Variants in NPRL3 observed in about 807,000 individuals in gnomAD.
The protein encoded by NPRL3 is GATOR1 complex protein NPRL3.
Under a neutral mutation model 57.2 loss-of-function variants are expected in NPRL3, and 23 were observed. The observed-to-expected ratio is 0.40, with a 90% CI of 0.29 to 0.57. NPRL3 has a LOEUF of 0.57. NPRL3 is among the 20% of genes least tolerant of loss of function. NPRL3 has a pLI of 0.42. For missense variants in NPRL3, 691 were observed against 767.1 expected (o/e 0.90, Z 1.17); for synonymous variants, 333 against 321.1 (o/e 1.04, Z -0.39).
At chr16:93,562 TG>T (rs1229844165) in intron 9 of NPRL3, among the ~76,000 whole-genome samples, 4 of 147,356 alleles carry the variant, frequency 2.7e-5, no homozygotes, top group Admixed American at 6.7e-5. Context: ...CTGTGAGCAA[TG>T]GTTTTTTTTT....
intron 3 of NPRL3, among the ~76,000 whole-genome samples, chr16:125,262 T>A (rs1018063995): frequency 6.6e-6 from 1 of 151,996 alleles, no homozygotes; most frequent in Admixed American, 6.6e-5. Flanking sequence ...CTCCTCAGGT[T>A]GTACAGTATG....
intron 2 of NPRL3, among the ~76,000 whole-genome samples, chr16:134,800 CA>C (rs1455464135): frequency 6.9e-6 from 1 of 145,050 alleles, no homozygotes; most frequent in Non-Finnish European, 1.5e-5. Flanking sequence ...CTCCCGGGTT[CA>C]CGCCATTCTC....
Position 93,336 on chromosome 16 carries a change from A to C in NPRL3, c.925-11T>G. 6.5e-7 allele frequency: 1 copy of C among 1,528,752 alleles called. No homozygotes were observed. The highest frequency in any genetic ancestry group is 8.9e-7 in the Non-Finnish European group (1 of 1,125,898). The allele number at this position is 1,528,752 out of a possible 1,614,324, so 94.7% of individuals were successfully genotyped here. On this transcript the variant is annotated splice_polypyrimidine_tract_variant and intron_variant, in intron 9 of 13. Coordinates refer to ENST00000611875, the MANE Select transcript of NPRL3 (RefSeq NM_001077350.3). Reference sequence around the variant, plus strand: ...TGCAAGCTGGAAAACCTGCAGGCAAAAGGGAAGCTGCAAGGACCATGCCTG... The same window carrying C: ...TGCAAGCTGGAAAACCTGCAGGCAACAGGGAAGCTGCAAGGACCATGCCTG...
intron 7 of NPRL3, among the ~76,000 whole-genome samples, chr16:100,821 ATT>A (rs1899260414): frequency 1.3e-5 from 2 of 149,580 alleles, no homozygotes; most frequent in African/African-American, 4.9e-5. Flanking sequence ...AAATACAAAA[ATT>A]AGCCAGGTGT....
At chr16:116,833 G>A (rs1329389755) in intron 5 of NPRL3, among the ~76,000 whole-genome samples, 1 of 141,144 alleles carries the variant, frequency 7.1e-6, no homozygotes, top group East Asian at 2.2e-4. Flanking sequence ...AAATTAGCTG[G>A]GCGTGGTGGC....
intron 8 of NPRL3, among the ~76,000 whole-genome samples, chr16:99,959 C>CAAAAAAAAAAAAAAAAAAAAAAAA (rs11304941): frequency 1.6e-4 from 10 of 60,968 alleles, no homozygotes; most frequent in Non-Finnish European, 3.3e-4. Flanking sequence ...CACACCCCCG[C>CAAAAAAAAAAAAAAAAAAAAAAAA]AAAAAAAAAA....
At chr16:88,946 C>T in intron 12 of NPRL3, 56 bp from the exon 13 acceptor site, 1 of 1,524,198 alleles carries the variant, frequency 6.6e-7, no homozygotes, top group Non-Finnish European at 9.0e-7. Context: ...CCCAGGGGAA[C>T]AGCGAGGGCA....
At position 110,514 on chromosome 16, in the gene NPRL3, A is replaced by G. The variant is rs1349621416; in HGVS notation, c.629+11T>C. 2 of 1,607,052 alleles carry G rather than the reference A, an allele frequency of 1.2e-6. No homozygotes were observed. Among genetic ancestry groups the G allele is most frequent in the South Asian group, 2.2e-5 (2 of 89,610 alleles). On this transcript the variant is annotated intron_variant, in intron 7 of 13. Transcript: ENST00000611875. ...AAGAAGGAGGTTAATAAGCACACCCACCTGTCTTACCTGTCATAAGCTTCC... is the reference window on the plus strand; with the variant it reads ...AAGAAGGAGGTTAATAAGCACACCCGCCTGTCTTACCTGTCATAAGCTTCC...
intron 7 of NPRL3, among the ~76,000 whole-genome samples, chr16:108,067 A>G (rs1336143682): frequency 2.6e-5 from 4 of 152,210 alleles, no homozygotes; most frequent in Non-Finnish European, 4.4e-5. Flanking sequence ...AGGGGCCAGA[A>G]AACAAAGCAA....
At chr16:101,950 T>C (rs970769332) in intron 7 of NPRL3, among the ~76,000 whole-genome samples, 1 of 152,066 alleles carries the variant, frequency 6.6e-6, no homozygotes, top group Non-Finnish European at 1.5e-5. Context: ...CAGAACTCAC[T>C]CCTGAGGAGG....
At chr16:133,748 C>G (rs1317626462) in intron 2 of NPRL3, among the ~76,000 whole-genome samples, 1 of 152,168 alleles carries the variant, frequency 6.6e-6, no homozygotes, top group Non-Finnish European at 1.5e-5. Context: ...AGCTTTTGGC[C>G]TAGTTCAGCT....
Position 110,558 on chromosome 16 carries a change from T to C in NPRL3, c.596A>G (p.Lys199Arg). The stretch of plus-strand genomic sequence containing the variant: ...AGCTTCCTTGAGGTCCCTGGCCAGC[T>C]TGCACTTGGGCAGGATGTGATGGAA... The part of the protein sequence containing the change: ...SPFHHILPKC[K>R]LARDLKEAYD... Residue 199 changes from lysine to arginine, a missense_variant, in exon 7 of 14, where the codon AAG (lysine) becomes AGG (arginine). By Grantham distance (26) the Lys-to-Arg change is conservative (BLOSUM62 2). Coordinates refer to ENST00000611875, the MANE Select transcript of NPRL3 (RefSeq NM_001077350.3). 1 of 1,612,310 alleles carries C rather than the reference T, an allele frequency of 6.2e-7. No individual in the cohort carries two copies. Among genetic ancestry groups the C allele is most frequent in the Non-Finnish European group, 8.5e-7 (1 of 1,179,220 alleles).
intron 9 of NPRL3, among the ~76,000 whole-genome samples, chr16:95,350 T>TATATATACATACACACACACACACACAC (rs1223611120): frequency 9.0e-6 from 1 of 110,990 alleles, no homozygotes; most frequent in African/African-American, 3.7e-5. Flanking sequence ...TATATATATA[T>TATATATACATACACACACACACACACAC]ACACACACAC....
chr16:89,263 AG>A (rs1898650220), intron 12 of NPRL3: 8 of 279,524 alleles, frequency 2.9e-5, no homozygotes, highest in Non-Finnish European at 4.7e-5. Flanking sequence ...ACCTCAGCCA[AG>A]GGGGGACTTT....
chr16:98,060 T>C, intron 9 of NPRL3, 85 bp downstream of exon 9: 3 of 1,511,890 alleles, frequency 2.0e-6, no homozygotes, highest in Non-Finnish European at 2.7e-6. Flanking sequence ...ACACAGCCCC[T>C]GTGGATGTAC....
intron 2 of NPRL3, among the ~76,000 whole-genome samples, chr16:134,325 G>T (rs1279991467): frequency 6.6e-6 from 1 of 151,962 alleles, no homozygotes; most frequent in Non-Finnish European, 1.5e-5. Context: ...TACACCAAGA[G>T]CCTTCATATA....
At chr16:113,007 G>T (rs1384889157) in intron 5 of NPRL3, among the ~76,000 whole-genome samples, 1 of 152,194 alleles carries the variant, frequency 6.6e-6, no homozygotes, top group Non-Finnish European at 1.5e-5. Context: ...CTGTTCTTGG[G>T]AGTGGCTGCC....
At chr16:98,375 CCA>C in intron 8 of NPRL3, 74 bp from the exon 9 acceptor site, 1 of 1,513,804 alleles carries the variant, frequency 6.6e-7, no homozygotes, top group Non-Finnish European at 8.9e-7. Flanking sequence ...AGGTCCTGCA[CCA>C]GGTATGCACC....
In NPRL3 at chr16:100,879, G is replaced by A. The variant is rs374123560; in HGVS notation, c.630-370C>T. 1.9e-3 allele frequency among the ~76,000 whole-genome samples: 264 copies of A among 137,446 alleles called. 1 individual carries two copies. Among genetic ancestry groups the A allele is most frequent in the African/African-American group, 6.7e-3 (248 of 36,790 alleles). The allele number at this position is 137,446 out of a possible 152,430, so 90.2% of individuals were successfully genotyped here. On this transcript the variant is annotated intron_variant, in intron 7 of 13. Transcript: ENST00000611875. ...CCAGCTACTCGGGAGGCTGAGGCAG[G>A]AGAATCACTTGAACCCAGGAGGTGG...
Sources: gnomAD v4.1 joint callset for allele counts (sites outside exome capture counted in the v4.1 genomes callset) on GRCh38, gnomAD v4.1.1 for gene constraint, MANE v1.5 for transcripts, NCBI Gene and HGNC (gene_info 2026-07-23, HGNC 2026-07-21) for gene names.